SHISAL1: variants seen among roughly 807,000 people sequenced by gnomAD.
SHISAL1 encodes the protein protein shisa-like-1.
In SHISAL1, 9 loss-of-function variants were observed where a neutral mutation model predicts 22.6. The ratio of observed to expected loss-of-function variants is 0.40; its 90% CI spans 0.24 to 0.70. The LOEUF (loss-of-function observed/expected upper bound fraction) is 0.70, where lower values mean the gene tolerates loss of function less well. Among genes scored for constraint, SHISAL1 ranks in the 30% least tolerant of loss-of-function variants. The pLI is 0.39. For synonymous variants in SHISAL1, 119 were observed against 115.4 expected, an observed-to-expected ratio of 1.03 and a Z score of -0.20; for missense variants, 246 against 270.6, an observed-to-expected ratio of 0.91 and a Z score of 0.64.
chr22:44,299,208 C>T (rs3935378), intron 2 of SHISAL1, among the ~76,000 whole-genome samples: 57,711 of 152,064 alleles, frequency 0.38, 12,022 homozygotes, highest in Non-Finnish European at 0.48. Context: ...GACTCCAGGC[C>T]GAGGGACACT....
chr22:44,285,477 C>T lies in SHISAL1; in HGVS notation c.550G>A (p.Gly184Arg), dbSNP rs1047948651. 1.2e-6 allele frequency: 2 copies of T among 1,614,042 alleles called. No homozygotes were observed. The highest frequency in any genetic ancestry group is 2.2e-5 in the East Asian group (1 of 44,866). The change falls in exon 4 of 5, where the codon GGA becomes AGA. Residue 184 changes from glycine (G) to arginine (R), a missense_variant. Transcript: ENST00000381176. Reference sequence around the variant, plus strand: ...ATCAGCGGTGGGCTGTGAGCATCTCCCCGCAATGTGTGCACGGCCTGTGGG... The same window carrying T: ...ATCAGCGGTGGGCTGTGAGCATCTCTCCGCAATGTGTGCACGGCCTGTGGG... The part of the protein sequence containing the change: ...QAPQAVHTLR[G>R]DAHSPPLMTF...
At chr22:44,290,060 G>C (rs1185546079) in intron 3 of SHISAL1, among the ~76,000 whole-genome samples, 1 of 152,210 alleles carries the variant, frequency 6.6e-6, no homozygotes, top group African/African-American at 2.4e-5. Context: ...GAGCAGATCC[G>C]TCAGCAGGAA....
At chr22:44,260,327 T>C (rs547260515) in intron 4 of SHISAL1, among the ~76,000 whole-genome samples, 6 of 152,350 alleles carry the variant, frequency 3.9e-5, no homozygotes, top group South Asian at 4.1e-4. Flanking sequence ...GGTTACGGCC[T>C]GATTTGAGAG....
At chr22:44,291,995 G>A (rs1449707974) in intron 3 of SHISAL1, among the ~76,000 whole-genome samples, 2 of 152,210 alleles carry the variant, frequency 1.3e-5, no homozygotes, top group Non-Finnish European at 2.9e-5. Context: ...GCTGGAAGCG[G>A]GCATCTCGCC....
the SHISAL1 span, among the ~76,000 whole-genome samples, chr22:44,319,064 C>T: frequency 6.6e-6 from 1 of 152,276 alleles, no homozygotes; most frequent in Non-Finnish European, 1.5e-5. Context: ...AGCCAGGGAA[C>T]CTGCCCAGGA....
intron 2 of SHISAL1, among the ~76,000 whole-genome samples, chr22:44,297,610 C>CA (rs1189739465): frequency 2.0e-5 from 3 of 152,246 alleles, no homozygotes; most frequent in African/African-American, 7.2e-5. Context: ...GGAACCCTCC[C>CA]ACCACTCTGC....
At chr22:44,282,398 G>C (rs2055282799) in intron 4 of SHISAL1, among the ~76,000 whole-genome samples, 1 of 152,234 alleles carries the variant, frequency 6.6e-6, no homozygotes, top group East Asian at 1.9e-4. Context: ...TCCTGGCAGT[G>C]CCTTGGCCTC....
intron 1 of SHISAL1, among the ~76,000 whole-genome samples, chr22:44,308,835 G>A (rs1474450826): frequency 9.2e-5 from 14 of 152,204 alleles, no homozygotes; most frequent in Non-Finnish European, 2.1e-4. Flanking sequence ...GCCACGCTCG[G>A]GCCTGAACCC....
intron 4 of SHISAL1, among the ~76,000 whole-genome samples, chr22:44,263,984 A>G (rs968933715): frequency 5.9e-5 from 9 of 152,214 alleles, no homozygotes; most frequent in Admixed American, 2.0e-4. Flanking sequence ...AGAGACGTGG[A>G]TGTGAAGGTT....
At chr22:44,298,140 T>A (rs987217573) in intron 2 of SHISAL1, among the ~76,000 whole-genome samples, 2 of 152,238 alleles carry the variant, frequency 1.3e-5, no homozygotes, top group Admixed American at 6.5e-5. Context: ...GTCTCAGCTT[T>A]TGGGGAACCA....
chr22:44,303,509 A>G (rs2055447741), intron 1 of SHISAL1, among the ~76,000 whole-genome samples: 1 of 152,116 alleles, frequency 6.6e-6, no homozygotes, highest in Non-Finnish European at 1.5e-5. Flanking sequence ...CATATAAGCC[A>G]AGGAATGCCA....
At chr22:44,281,454 C>G (rs180832924) in intron 4 of SHISAL1, among the ~76,000 whole-genome samples, 1 of 151,852 alleles carries the variant, frequency 6.6e-6, no homozygotes, top group Non-Finnish European at 1.5e-5. Context: ...GTGTTTGTGT[C>G]TGTGTGTGTA....
At chr22:44,276,680 G>C (rs1029139095) in intron 4 of SHISAL1, among the ~76,000 whole-genome samples, 1 of 152,082 alleles carries the variant, frequency 6.6e-6, no homozygotes, top group Non-Finnish European at 1.5e-5. Flanking sequence ...TGGATGTGCC[G>C]GTCCCCCACG....
At chr22:44,303,557 T>C (rs2055448387) in intron 1 of SHISAL1, among the ~76,000 whole-genome samples, 1 of 152,116 alleles carries the variant, frequency 6.6e-6, no homozygotes. Context: ...GATTCACCCC[T>C]ACAGCCTCAT....
chr22:44,302,694 A>G lies in SHISAL1; in HGVS notation c.-32-1717T>C, dbSNP rs1601803417. On this transcript the variant is annotated intron_variant, in intron 1 of 4. Transcript: ENST00000381176. ...CCTGGGGTGGGTGCGGTGAGGAGGC[A>G]GCAGGGGCAAAGGCCCTGGGGTGGG... Among the ~76,000 whole-genome samples the G allele has an allele frequency of 7.6e-5, 6 of 78,950 alleles. No individual in the cohort carries two copies. The South Asian group carries it at 4.3e-3, about 56-fold the overall frequency. 51.8% of individuals were successfully genotyped at this position (78,950 alleles called of 152,430 possible). A position where few individuals can be genotyped will look rare whatever the true frequency, so the allele number is the denominator to read the frequency against.
intron 1 of SHISAL1, among the ~76,000 whole-genome samples, chr22:44,312,358 C>T (rs2055525548): frequency 6.6e-6 from 1 of 152,198 alleles, no homozygotes; most frequent in African/African-American, 2.4e-5. Context: ...CCTGAGAGCA[C>T]TCCCTAGGCC....
At chr22:44,269,789 C>T (rs1478646565) in intron 4 of SHISAL1, among the ~76,000 whole-genome samples, 9 of 152,164 alleles carry the variant, frequency 5.9e-5, no homozygotes, top group Non-Finnish European at 1.3e-4. Flanking sequence ...CTTACCTGTC[C>T]TAGCCCCTCA....
At chr22:44,302,715 G>GT (rs1391751192) in intron 1 of SHISAL1, among the ~76,000 whole-genome samples, 4 of 13,438 alleles carry the variant, frequency 3.0e-4, no homozygotes, top group Admixed American at 5.8e-4. Context: ...AGGCCCTGGG[G>GT]TGGGTGCGGT....
chr22:44,307,713 T>C (rs1316964608), intron 1 of SHISAL1, among the ~76,000 whole-genome samples: 3 of 151,964 alleles, frequency 2.0e-5, no homozygotes, highest in African/African-American at 7.3e-5. Context: ...GCTCCGAGAT[T>C]TGAAGGTTAT....
Sources: gnomAD v4.1 joint callset for allele counts (sites outside exome capture counted in the v4.1 genomes callset) on GRCh38, gnomAD v4.1.1 for gene constraint, MANE v1.5 for transcripts, NCBI Gene and HGNC (gene_info 2026-07-23, HGNC 2026-07-21) for gene names.